CAPN2: variants seen among roughly 807,000 people sequenced by gnomAD.
CAPN2 encodes the protein calpain-2 catalytic subunit.
A neutral mutation model predicts 102.3 loss-of-function variants in CAPN2; 92 were observed. That is an observed-to-expected ratio of 0.90 (90% CI 0.76 to 1.07). CAPN2 has a LOEUF of 1.07. Ranked by LOEUF, CAPN2 falls within the 50% of genes least tolerant of loss-of-function variation. CAPN2 has a pLI of 0.00. For synonymous variants in CAPN2, 340 were observed against 355.4 expected, an observed-to-expected ratio of 0.96 and a Z score of 0.49; for missense variants, 800 against 909.4, an observed-to-expected ratio of 0.88 and a Z score of 1.55.
chr1:223,730,407 TC>T (rs1660309428), intron 2 of CAPN2, among the ~76,000 whole-genome samples: 1 of 9,936 alleles, frequency 1.0e-4, no homozygotes, highest in Non-Finnish European at 6.9e-4. Context: ...CCAAGACAAT[TC>T]TTCTTCTTCC....
chr1:223,712,523 C>T (rs1659756346), upstream of CAPN2: 1 of 1,226,128 alleles, frequency 8.2e-7, no homozygotes, highest in African/African-American at 1.6e-5. Context: ...TCATCGCTCG[C>T]AGCGGCGGCG....
chr1:223,724,947 C>A (rs538671449), intron 2 of CAPN2, among the ~76,000 whole-genome samples: 8 of 152,252 alleles, frequency 5.3e-5, no homozygotes, highest in Middle Eastern at 3.4e-3. Context: ...ACATTCTAGC[C>A]TGGGTGATGG....
intron 6 of CAPN2, 110 bp from the exon 7 acceptor site, chr1:223,750,780 T>C (rs2102801857): frequency 1.0e-6 from 1 of 967,412 alleles, no homozygotes; most frequent in South Asian, 1.4e-5. Flanking sequence ...CTCCCCACCG[T>C]CCTCAGCCCC....
intron 2 of CAPN2, among the ~76,000 whole-genome samples, chr1:223,720,733 C>T (rs994237614): frequency 1.3e-5 from 2 of 152,064 alleles, no homozygotes; most frequent in Non-Finnish European, 2.9e-5. Context: ...CATCCCAAAT[C>T]TAAAGTAAAT....
intron 1 of CAPN2, among the ~76,000 whole-genome samples, chr1:223,714,423 T>A (rs1481074810): frequency 6.6e-6 from 1 of 151,934 alleles, no homozygotes; most frequent in African/African-American, 2.4e-5. Flanking sequence ...ACAAAAGAAG[T>A]GACTGTTTGT....
intron 16 of CAPN2, among the ~76,000 whole-genome samples, chr1:223,766,800 A>G (rs1248085628): frequency 6.6e-6 from 1 of 152,050 alleles, no homozygotes; most frequent in Non-Finnish European, 1.5e-5. Context: ...TCTCTACTAA[A>G]AATACAAAAA....
chr1:223,730,432 G>C (rs1402307062), intron 2 of CAPN2, among the ~76,000 whole-genome samples: 1 of 151,996 alleles, frequency 6.6e-6, no homozygotes, highest in Non-Finnish European at 1.5e-5. Flanking sequence ...GTGGCCCAGG[G>C]AAGCCAAAAG....
chr1:223,763,660 G>C (rs1236026855), intron 14 of CAPN2, among the ~76,000 whole-genome samples: 1 of 152,160 alleles, frequency 6.6e-6, no homozygotes, highest in African/African-American at 2.4e-5. Flanking sequence ...CCAGATAAGA[G>C]GAATGGTATA....
intron 2 of CAPN2, among the ~76,000 whole-genome samples, chr1:223,734,079 G>A (rs549282394): frequency 4.6e-5 from 7 of 152,250 alleles, no homozygotes; most frequent in Admixed American, 3.9e-4. Flanking sequence ...GCAGGGAAGG[G>A]ACCTCAAGGC....
At chr1:223,768,215 T>C (rs1456583707) in intron 16 of CAPN2, among the ~76,000 whole-genome samples, 2 of 149,340 alleles carry the variant, frequency 1.3e-5, no homozygotes, top group Non-Finnish European at 3.0e-5. Context: ...TTTGTCAATT[T>C]TGGCTTTTGT....
At chr1:223,722,572 G>A (rs568103154) in intron 2 of CAPN2, among the ~76,000 whole-genome samples, 58 of 151,754 alleles carry the variant, frequency 3.8e-4, no homozygotes, top group Admixed American at 2.4e-3. Flanking sequence ...TTACAGGTGC[G>A]AGTCACCACA....
At chr1:223,772,271 G>GGGAT (rs1661501688) in intron 20 of CAPN2, 32 bp downstream of exon 20, 1 of 1,595,836 alleles carries the variant, frequency 6.3e-7, no homozygotes, top group Non-Finnish European at 8.6e-7. Flanking sequence ...TGCTTCTAAG[G>GGGAT]GGATGGGGGA....
intron 15 of CAPN2, among the ~76,000 whole-genome samples, chr1:223,765,729 AGT>A (rs1314432281): frequency 6.6e-6 from 1 of 152,134 alleles, no homozygotes; most frequent in East Asian, 1.9e-4. Context: ...TGGTGCCCAG[AGT>A]GGCAGCTTTG....
chr1:223,728,286 G>T (rs191144441), intron 2 of CAPN2, among the ~76,000 whole-genome samples: 4 of 152,210 alleles, frequency 2.6e-5, no homozygotes, highest in East Asian at 1.9e-4. Flanking sequence ...TCATCTGTAG[G>T]CCCCCTCAAC....
intron 2 of CAPN2, among the ~76,000 whole-genome samples, chr1:223,722,436 C>T (rs1476986292): frequency 6.6e-6 from 1 of 151,240 alleles, no homozygotes; most frequent in Admixed American, 6.6e-5. Context: ...TACAGGCACG[C>T]ACCACCTCAC....
rs755225434 is a variant in CAPN2, at chr1:223,717,750, T to C, written c.238-12T>C. 78 of 1,613,210 alleles carry C rather than the reference T, an allele frequency of 4.8e-5. No individual in the cohort carries two copies. In the Admixed American group the frequency reaches 1.3e-3, roughly 27 times the overall value. ...TGGTAGGCTAACAGCACTTTGTGGGTCTCGTTCCCAGGAGATCTGCGCTGA... is the reference window on the plus strand; with the variant it reads ...TGGTAGGCTAACAGCACTTTGTGGGCCTCGTTCCCAGGAGATCTGCGCTGA... On this transcript the variant is annotated splice_polypyrimidine_tract_variant and intron_variant, in intron 1 of 20. Transcript: ENST00000295006.
chr1:223,710,167 G>A (rs973585331), upstream of CAPN2, among the ~76,000 whole-genome samples: 34 of 152,018 alleles, frequency 2.2e-4, no homozygotes, highest in Admixed American at 1.4e-3. Context: ...TCCCAGCTAC[G>A]TTGGAGGCTG....
At chr1:223,772,153 G>A (rs377728122) in intron 19 of CAPN2, 28 bp from the exon 20 acceptor site, 210 of 1,609,322 alleles carry the variant, frequency 1.3e-4, no homozygotes, top group Non-Finnish European at 1.5e-4. Flanking sequence ...TCACTCACTT[G>A]TGACACCCTC....
intron 19 of CAPN2, 66 bp from the exon 20 acceptor site, chr1:223,772,114 GA>G: frequency 1.4e-6 from 2 of 1,474,724 alleles, no homozygotes; most frequent in Non-Finnish European, 1.9e-6. Flanking sequence ...TTGCTGAACT[GA>G]AAAGAGGATA....
Sources: allele counts gnomAD v4.1 joint callset (sites outside exome capture counted in the v4.1 genomes callset), GRCh38; gene constraint gnomAD v4.1.1; transcripts MANE v1.5; gene names NCBI Gene and HGNC (gene_info 2026-07-23, HGNC 2026-07-21).